Variants in ASZ1 observed in about 807,000 individuals in gnomAD.
ASZ1 encodes ankyrin repeat, SAM and basic leucine zipper domain-containing protein 1.
In ASZ1, 67 loss-of-function variants were observed where a neutral mutation model predicts 61.8. The observed-to-expected ratio is 1.08, with a 90% CI of 0.89 to 1.33. ASZ1 has a LOEUF of 1.33. Among genes scored for constraint, ASZ1 ranks in the 40% most tolerant of loss-of-function variants. ASZ1 has a pLI of 0.00. For missense variants in ASZ1, 577 were observed against 554.5 expected, an observed-to-expected ratio of 1.04 and a Z score of -0.41; for synonymous variants, 193 against 192.7, an observed-to-expected ratio of 1.00 and a Z score of -0.01.
intron 3 of ASZ1, 23 bp from the exon 4 acceptor site, chr7:117,420,297 G>A (rs1376993342): frequency 6.5e-7 from 1 of 1,545,222 alleles, no homozygotes; most frequent in Non-Finnish European, 8.9e-7. Context: ...GAAAAGTGAG[G>A]AAAAATCCCC....
chr7:117,381,259 C>A (rs769755144), intron 8 of ASZ1, among the ~76,000 whole-genome samples, 192 bp from the exon 9 acceptor site: 3 of 151,840 alleles, frequency 2.0e-5, no homozygotes, highest in Non-Finnish European at 2.9e-5. Context: ...ATTATATTCA[C>A]CTAAAAAGTA....
rs767552050 is a variant in ASZ1, at chr7:117,422,243, C to T, written c.322G>A (p.Glu108Lys). 24 of 1,612,726 alleles carry T rather than the reference C, an allele frequency of 1.5e-5. No individual in the cohort carries two copies. The Admixed American group carries it at 1.7e-4, about 11-fold the overall frequency. ...LLDRGANASFEKDKQSILITA... is the reference protein window; with the variant it reads ...LLDRGANASFKKDKQSILITA... ...GTTATCTAAAACATCTTACCCTTCT[C>T]AAAGCTTGCATTAGCACCTCTGTCC... is the stretch of plus-strand genomic sequence containing the variant. The change falls in exon 3 of 13, where the codon GAG becomes AAG. Residue 108 changes from glutamate to lysine, a missense_variant. Physicochemically the swap from Glu to Lys is moderately conservative, Grantham distance 56. Coordinates refer to ENST00000284629, the MANE Select transcript of ASZ1 (RefSeq NM_130768.3).
chr7:117,399,873 TA>T (rs1161167592), intron 4 of ASZ1, among the ~76,000 whole-genome samples: 2 of 152,118 alleles, frequency 1.3e-5, no homozygotes, highest in Non-Finnish European at 2.9e-5. Context: ...CAATAAAACT[TA>T]AAAAAATAAA....
intron 4 of ASZ1, among the ~76,000 whole-genome samples, chr7:117,410,531 A>G (rs1796869905): frequency 6.6e-6 from 1 of 151,722 alleles, no homozygotes; most frequent in Admixed American, 6.6e-5. Context: ...TTACAAAGAA[A>G]GTATAGCAGG....
intron 3 of ASZ1, 51 bp from the exon 4 acceptor site, chr7:117,420,325 A>G: frequency 7.6e-7 from 1 of 1,318,570 alleles, no homozygotes; most frequent in South Asian, 1.2e-5. Context: ...AAGAGCATCT[A>G]TTCGATGTCT....
chr7:117,385,720 G>A lies in ASZ1; in HGVS notation c.530C>T (p.Thr177Ile). The change falls in exon 5 of 13, where the codon ACC becomes ATC. Residue 177 changes from threonine (T) to isoleucine (I), a missense_variant. Coordinates refer to ENST00000284629, the MANE Select transcript of ASZ1 (RefSeq NM_130768.3). ...LLVAHGAEVN[T>I]QDENGYTALT... ...CACAGTGTAACCATTCTCATCCTGGGTATTAACTTCTGCTCCATGAGCAAC... is the reference window on the plus strand; with the variant it reads ...CACAGTGTAACCATTCTCATCCTGGATATTAACTTCTGCTCCATGAGCAAC... The A allele has an allele frequency of 6.2e-7, 1 of 1,608,746 alleles. No homozygotes were observed.
At chr7:117,380,406 G>A (rs951466541) in intron 9 of ASZ1, among the ~76,000 whole-genome samples, 5 of 151,446 alleles carry the variant, frequency 3.3e-5, no homozygotes, top group African/African-American at 1.2e-4. Context: ...ATGAGAATTA[G>A]GCCCTATCTT....
intron 4 of ASZ1, among the ~76,000 whole-genome samples, chr7:117,390,737 T>C (rs1796449721): frequency 6.6e-6 from 1 of 152,082 alleles, no homozygotes; most frequent in South Asian, 2.1e-4. Context: ...GAAGCCTCAC[T>C]CTGTCACCTA....
chr7:117,420,418 T>C (rs916901755), intron 3 of ASZ1, 144 bp from the exon 4 acceptor site: 9 of 528,542 alleles, frequency 1.7e-5, no homozygotes, highest in South Asian at 3.2e-5. Context: ...GGTAACTTTG[T>C]CTTCCTTCAT....
At chr7:117,389,839 TCAC>T (rs951756494) in intron 4 of ASZ1, among the ~76,000 whole-genome samples, 2 of 152,198 alleles carry the variant, frequency 1.3e-5, no homozygotes, top group Non-Finnish European at 2.9e-5. Context: ...TACTTTCCTT[TCAC>T]CACATCTCGT....
chr7:117,398,789 TG>T (rs960694162), intron 4 of ASZ1, among the ~76,000 whole-genome samples: 1 of 152,202 alleles, frequency 6.6e-6, no homozygotes, highest in Non-Finnish European at 1.5e-5. Flanking sequence ...TCTCATGAGC[TG>T]GTTAAAATAT....
chr7:117,367,691 T>C (rs1490671657), intron 11 of ASZ1: 2 of 988,472 alleles, frequency 2.0e-6, no homozygotes, highest in African/African-American at 1.7e-5. Context: ...ACTTTCTATA[T>C]GGAGATTAAT....
Position 117,368,680 on chromosome 7 carries a change from TA to T in ASZ1, c.1092del (p.Asn364LysfsTer7). ...GCTGTTATTAAATGGCCACACTGTTTATTTAATTTGAGAAGAAAGTTGAGGA... is the reference window on the plus strand; with the variant it reads ...GCTGTTATTAAATGGCCACACTGTTTTTTAATTTGAGAAGAAAGTTGAGGA... ...DEFLNFLLKLNKQCGHLITAV... is the reference protein window; with the variant it reads ...DEFLNFLLKLXKQCGHLITAV... On this transcript the variant is annotated frameshift_variant, in exon 11 of 13. Transcript: ENST00000284629. LOFTEE classifies it high-confidence loss of function. 6.2e-7 allele frequency: 1 copy of T among 1,612,910 alleles called. No individual in the cohort carries two copies. Among genetic ancestry groups the T allele is most frequent in the Non-Finnish European group, 8.5e-7 (1 of 1,179,432 alleles).
intron 10 of ASZ1, among the ~76,000 whole-genome samples, chr7:117,373,850 A>T (rs1457121037): frequency 2.6e-5 from 4 of 152,182 alleles, no homozygotes; most frequent in African/African-American, 9.7e-5. Flanking sequence ...ATATAAAAAC[A>T]TTTAATTTGC....
At chr7:117,392,729 G>GA (rs1796494916) in intron 4 of ASZ1, among the ~76,000 whole-genome samples, 1 of 152,074 alleles carries the variant, frequency 6.6e-6, no homozygotes, top group African/African-American at 2.4e-5. Flanking sequence ...TTCCTCTGAG[G>GA]AAATTTCCTC....
intron 4 of ASZ1, among the ~76,000 whole-genome samples, chr7:117,408,924 T>C (rs985358700): frequency 3.3e-4 from 50 of 152,124 alleles, no homozygotes; most frequent in African/African-American, 1.2e-3. Flanking sequence ...CATGGGTATA[T>C]GTGTCACAAT....
chr7:117,423,305 C>T (rs1321074367), intron 2 of ASZ1, among the ~76,000 whole-genome samples: 1 of 151,778 alleles, frequency 6.6e-6, no homozygotes, highest in African/African-American at 2.4e-5. Flanking sequence ...CTACATATGT[C>T]TAATTTCTAA....
intron 12 of ASZ1, 26 bp from the exon 13 acceptor site, chr7:117,363,774 AGAG>A (rs761699213): frequency 2.6e-6 from 4 of 1,536,256 alleles, no homozygotes; most frequent in African/African-American, 1.4e-5. Flanking sequence ...GAAAAAGAAA[AGAG>A]GAGTTACTGT....
intron 4 of ASZ1, among the ~76,000 whole-genome samples, chr7:117,417,999 T>C (rs1797027788): frequency 6.6e-6 from 1 of 152,212 alleles, no homozygotes; most frequent in African/African-American, 2.4e-5. Context: ...AATCTGTTTT[T>C]CCCAATACAT....
Sources: allele counts gnomAD v4.1 joint callset (sites outside exome capture counted in the v4.1 genomes callset), GRCh38; gene constraint gnomAD v4.1.1; transcripts MANE v1.5; gene names NCBI Gene and HGNC (gene_info 2026-07-23, HGNC 2026-07-21).